Variants in EVL observed in about 807,000 individuals in gnomAD.
EVL encodes Enah/Vasp-like, also known as ena/VASP-like protein.
A neutral mutation model predicts 59.6 loss-of-function variants in EVL; 21 were observed. The ratio of observed to expected loss-of-function variants is 0.35; its 90% CI spans 0.25 to 0.51. The LOEUF is 0.51. Among genes scored for constraint, EVL ranks in the 20% least tolerant of loss-of-function variants. The pLI is 0.97. For synonymous variants in EVL, 198 were observed against 203.5 expected (o/e 0.97, Z 0.23); for missense variants, 462 against 546.6 (o/e 0.85, Z 1.54).
At chr14:99,982,375 G>A (rs2060812650) in intron 1 of EVL, among the ~76,000 whole-genome samples, 1 of 152,086 alleles carries the variant, frequency 6.6e-6, no homozygotes, top group Non-Finnish European at 1.5e-5. Context: ...TATTTTAATG[G>A]TATTTTTGGG....
intron 1 of EVL, among the ~76,000 whole-genome samples, chr14:100,045,193 T>A (rs910632581): frequency 6.6e-6 from 1 of 152,198 alleles, no homozygotes; most frequent in Non-Finnish European, 1.5e-5. Flanking sequence ...TTTTGAGTAT[T>A]AAAAGAGTGT....
chr14:100,005,630 TACACACACACACACACACACAC>T (rs35844160), intron 1 of EVL, among the ~76,000 whole-genome samples: 1 of 143,638 alleles, frequency 7.0e-6, no homozygotes, highest in African/African-American at 2.6e-5. Context: ...GCCTTTTAAA[TACACACACACACACACACACAC>T]ACACACACAC....
chr14:100,064,666 T>G (rs1389418820), upstream of EVL, among the ~76,000 whole-genome samples: 1 of 152,234 alleles, frequency 6.6e-6, no homozygotes, highest in Admixed American at 6.5e-5. Context: ...ATCTCAGCAC[T>G]TTGGGAGGCC....
intron 1 of EVL, among the ~76,000 whole-genome samples, chr14:100,083,177 C>G (rs1041837400): frequency 5.9e-5 from 9 of 152,202 alleles, no homozygotes; most frequent in Non-Finnish European, 1.2e-4. Flanking sequence ...CATGCTGCAT[C>G]TCAGGATCTC....
In EVL at chr14:100,028,136, T is replaced by TTGTTTG. The variant is rs1555413993; in HGVS notation, c.5+56080_5+56081insGTTTGT. Among the ~76,000 whole-genome samples, 634 of 121,008 alleles carry TTGTTTG rather than the reference T, an allele frequency of 5.2e-3. 14 individuals are homozygous for TTGTTTG. Among genetic ancestry groups the TTGTTTG allele is most frequent in the Admixed American group, 0.033 (448 of 13,388 alleles). 79.4% of individuals were successfully genotyped at this position (121,008 alleles called of 152,430 possible). ...TTTAGTTGTTTTTTTGTTTGTTTGTTTTTTTTTTTTTTTTTGAGGAACCTC... is the reference window on the plus strand; with the variant it reads ...TTTAGTTGTTTTTTTGTTTGTTTGTTTGTTTGTTTTTTTTTTTTTTTGAGGAACCTC... On this transcript the variant is annotated intron_variant, in intron 1 of 13. Coordinates refer to the EVL transcript ENST00000402714.
intron 4 of EVL, among the ~76,000 whole-genome samples, chr14:100,126,129 C>A (rs1286183721): frequency 6.6e-6 from 1 of 152,196 alleles, no homozygotes; most frequent in Non-Finnish European, 1.5e-5. Flanking sequence ...TTAAGAGCAC[C>A]CTGAGGCCAC....
intron 1 of EVL, among the ~76,000 whole-genome samples, chr14:100,023,709 A>C (rs1463650662): frequency 1.3e-5 from 2 of 149,988 alleles, no homozygotes; most frequent in Non-Finnish European, 3.0e-5. Flanking sequence ...TAATCTGCCC[A>C]CCTCAGCCTC....
rs1434412883 is a variant in EVL at position 100,114,893 on chromosome 14, C to T, written c.359-8646C>T. On this transcript the variant is annotated intron_variant, in intron 3 of 13. Transcript: ENST00000392920. The surrounding 1 kb of genome is among the most constrained non-coding windows in gnomAD (Gnocchi z 5.0). Reference sequence around the variant, plus strand: ...CCTTGCGGAAGCGGCAGGGTGGAAGCAGCAGCTGGGTACTGGGAGGCCTGA... The same window carrying T: ...CCTTGCGGAAGCGGCAGGGTGGAAGTAGCAGCTGGGTACTGGGAGGCCTGA... Among the ~76,000 whole-genome samples, 1 of 151,910 alleles carries T rather than the reference C, an allele frequency of 6.6e-6. No individual in the cohort carries two copies. Among genetic ancestry groups the T allele is most frequent in the Non-Finnish European group, 1.5e-5 (1 of 67,856 alleles).
chr14:100,065,363 C>A, upstream of EVL: 1 of 957,820 alleles, frequency 1.0e-6, no homozygotes, highest in East Asian at 3.5e-5. Context: ...GTTCAGCTTC[C>A]TTTTCCTGTT....
At chr14:100,078,053 C>T (rs1011380196) in intron 1 of EVL, among the ~76,000 whole-genome samples, 13 of 152,272 alleles carry the variant, frequency 8.5e-5, no homozygotes, top group African/African-American at 2.4e-4. Flanking sequence ...GGATTACAGG[C>T]GTGAGCCACT....
rs148953904 is a variant in EVL at position 100,045,610 on chromosome 14, A to G, written c.6-39077A>G. ...ACGGGATTAATCTTCCATTTTGTCA[A>G]TGAACACACATTCAGAGAGGTAGAG... On this transcript the variant is annotated intron_variant, in intron 1 of 13. Transcript: ENST00000402714. Among the ~76,000 whole-genome samples, 24 of 152,342 alleles carry G rather than the reference A, an allele frequency of 1.6e-4. No homozygotes were observed. In the East Asian group the frequency reaches 1.7e-3, roughly 11 times the overall value.
chr14:100,066,238 C>G (rs1026907170), intron 1 of EVL, among the ~76,000 whole-genome samples: 1 of 152,334 alleles, frequency 6.6e-6, no homozygotes, highest in Admixed American at 6.5e-5. Flanking sequence ...CAATCCCTCA[C>G]TTTGAAAATT....
chr14:100,095,647 A>G (rs1885756331), intron 2 of EVL, among the ~76,000 whole-genome samples: 1 of 152,232 alleles, frequency 6.6e-6, no homozygotes, highest in African/African-American at 2.4e-5. Context: ...ACTACCCTGG[A>G]ACTTGTGTGT....
intron 1 of EVL, among the ~76,000 whole-genome samples, chr14:100,046,510 T>C (rs147610142): frequency 2.4e-4 from 36 of 151,894 alleles, no homozygotes; most frequent in Admixed American, 7.2e-4. Flanking sequence ...CTAAAAAAAA[T>C]ACAAAAATCA....
intron 3 of EVL, among the ~76,000 whole-genome samples, chr14:100,104,636 T>C (rs931095021): frequency 1.3e-5 from 2 of 152,164 alleles, no homozygotes; most frequent in African/African-American, 4.8e-5. Context: ...AAGCTCCCGT[T>C]ATGATGGGGA....
chr14:100,139,652 TTCA>T (rs1566733688), intron 11 of EVL: 1 of 152,372 alleles, frequency 6.6e-6, no homozygotes. Context: ...ACACTCATTC[TTCA>T]TCCTTATTCT....
chr14:100,077,436 A>C (rs772838918), intron 1 of EVL, among the ~76,000 whole-genome samples: 1 of 152,232 alleles, frequency 6.6e-6, no homozygotes, highest in Non-Finnish European at 1.5e-5. Flanking sequence ...TAAGCATGTT[A>C]AATTGTGAGG....
intron 1 of EVL, among the ~76,000 whole-genome samples, chr14:100,001,627 GCC>G (rs1466804325): frequency 1.3e-5 from 2 of 152,140 alleles, no homozygotes; most frequent in African/African-American, 2.4e-5. Flanking sequence ...GACAAGCCCA[GCC>G]GTGGATTTGT....
At chr14:100,095,167 G>C (rs1178903922) in intron 2 of EVL, among the ~76,000 whole-genome samples, 1 of 152,198 alleles carries the variant, frequency 6.6e-6, no homozygotes, top group African/African-American at 2.4e-5. Flanking sequence ...GACAGTAGTC[G>C]TGAGACACTA....
Sources: gnomAD v4.1 joint callset for allele counts (sites outside exome capture counted in the v4.1 genomes callset) on GRCh38, gnomAD v4.1.1 for gene constraint, Gnocchi (gnomAD v3.1) non-coding constraint, MANE v1.5 for transcripts, NCBI Gene and HGNC (gene_info 2026-07-23, HGNC 2026-07-21) for gene names.